Variants in GRXCR1 observed in about 807,000 individuals in gnomAD.
GRXCR1 encodes the protein glutaredoxin domain-containing cysteine-rich protein 1.
In GRXCR1, 27 loss-of-function variants were observed where a neutral mutation model predicts 27.3. The observed-to-expected ratio is 0.99, with a 90% CI of 0.73 to 1.37. The LOEUF (loss-of-function observed/expected upper bound fraction) is 1.37, where lower values mean the gene tolerates loss of function less well. GRXCR1 is among the 40% of genes most tolerant of loss of function. The probability of loss-of-function intolerance (pLI) is 0.00; values close to 1 mark genes in which losing one functional copy is unlikely to be tolerated. For missense variants in GRXCR1, 379 were observed against 354.4 expected, an observed-to-expected ratio of 1.07 and a Z score of -0.56; for synonymous variants, 122 against 131.1, an observed-to-expected ratio of 0.93 and a Z score of 0.47.
At chr4:42,962,725 G>T (rs1379139525) in intron 1 of GRXCR1, among the ~76,000 whole-genome samples, 167 bp from the exon 2 acceptor site, 2 of 152,016 alleles carry the variant, frequency 1.3e-5, no homozygotes, top group African/African-American at 4.8e-5. Context: ...ATTGCTATCT[G>T]TATCCCAATT....
chr4:42,902,685 G>T (rs145128951), intron 1 of GRXCR1, among the ~76,000 whole-genome samples: 1 of 152,156 alleles, frequency 6.6e-6, no homozygotes, highest in Admixed American at 6.5e-5. Flanking sequence ...GCATTTCAGG[G>T]GTGGAGTGGT....
At chr4:42,986,482 G>A (rs1291997546) in intron 2 of GRXCR1, among the ~76,000 whole-genome samples, 1 of 152,070 alleles carries the variant, frequency 6.6e-6, no homozygotes, top group Non-Finnish European at 1.5e-5. Context: ...GGCTGGATTA[G>A]GATTCGTGGT....
At chr4:42,955,514 A>T (rs13105520) in intron 1 of GRXCR1, among the ~76,000 whole-genome samples, 72,107 of 151,824 alleles carry the variant, frequency 0.47, 18,427 homozygotes, top group African/African-American at 0.67. Flanking sequence ...ATGGTGCACA[A>T]CTGAGTTCCA....
chr4:42,928,241 C>T (rs558185216), intron 1 of GRXCR1, among the ~76,000 whole-genome samples: 7 of 152,052 alleles, frequency 4.6e-5, no homozygotes, highest in African/African-American at 1.7e-4. Flanking sequence ...TAGTCCTGCA[C>T]ACGTTTCCAG....
At chr4:42,910,655 A>C (rs1746702760) in intron 1 of GRXCR1, among the ~76,000 whole-genome samples, 1 of 152,186 alleles carries the variant, frequency 6.6e-6, no homozygotes, top group African/African-American at 2.4e-5. Flanking sequence ...TGAGGCCTGG[A>C]GGGTGTGAGA....
At chr4:42,998,405 GTAA>G (rs1417228777) in intron 2 of GRXCR1, among the ~76,000 whole-genome samples, 1 of 152,160 alleles carries the variant, frequency 6.6e-6, no homozygotes. Flanking sequence ...CCATGCACAT[GTAA>G]TTAAGTAGAG....
At chr4:42,903,308 A>ATTTTT (rs35512711) in intron 1 of GRXCR1, among the ~76,000 whole-genome samples, 23 of 63,230 alleles carry the variant, frequency 3.6e-4, no homozygotes, top group Non-Finnish European at 5.9e-4. Flanking sequence ...AGCTTTGTAG[A>ATTTTT]TTTTTTTTTT....
In GRXCR1 at chr4:42,941,506, G is replaced by A. The variant is rs942674833; in HGVS notation, c.385-21386G>A. Among the ~76,000 whole-genome samples the A allele has an allele frequency of 2.2e-4, 34 of 151,826 alleles. 1 individual carries two copies. Among genetic ancestry groups the A allele is most frequent in the African/African-American group, 7.3e-4 (30 of 41,314 alleles). On this transcript the variant is annotated intron_variant, in intron 1 of 3. Coordinates refer to ENST00000399770, the MANE Select transcript of GRXCR1 (RefSeq NM_001080476.3). The stretch of plus-strand genomic sequence containing the variant: ...TGAATTACATAATTATTTGGCTTCC[G>A]ACATCTGCTTCCCACATTTGTTTTT...
At chr4:42,923,032 A>T (rs148538261) in intron 1 of GRXCR1, among the ~76,000 whole-genome samples, 8 of 152,058 alleles carry the variant, frequency 5.3e-5, no homozygotes, top group Non-Finnish European at 1.0e-4. Context: ...ATAAATGAAC[A>T]CTCAACCCCC....
chr4:43,011,339 G>T (rs138948948), intron 2 of GRXCR1, among the ~76,000 whole-genome samples: 1 of 152,126 alleles, frequency 6.6e-6, no homozygotes, highest in African/African-American at 2.4e-5. Context: ...AGTTGGATTT[G>T]GTCAGAGGGA....
At chr4:42,986,999 T>G (rs1189701134) in intron 2 of GRXCR1, among the ~76,000 whole-genome samples, 1 of 125,338 alleles carries the variant, frequency 8.0e-6, no homozygotes, top group Non-Finnish European at 1.6e-5. Context: ...AAGAGATATG[T>G]GTATGTGTGT....
intron 2 of GRXCR1, among the ~76,000 whole-genome samples, chr4:42,977,184 A>G (rs889858887): frequency 2.6e-5 from 4 of 151,992 alleles, no homozygotes; most frequent in African/African-American, 7.2e-5. Flanking sequence ...TCCATTGTGT[A>G]TATATATTTC....
chr4:43,016,729 A>C lies in GRXCR1; in HGVS notation c.628-3625A>C, dbSNP rs116030892. Among the ~76,000 whole-genome samples, 1,255 of 152,210 alleles carry C rather than the reference A, an allele frequency of 8.2e-3. 16 individuals are homozygous for C. The highest frequency in any genetic ancestry group is 0.029 in the African/African-American group (1,206 of 41,526). On this transcript the variant is annotated intron_variant, in intron 2 of 3. Transcript: ENST00000399770. ...GCCTAATCCCTAATGGAGACTCAAA[A>C]TAATGTTGAATGAATGGATAAATGC...
In GRXCR1 at chr4:42,984,530, C is replaced by T. The variant is rs556853576; in HGVS notation, c.627+21396C>T. On this transcript the variant is annotated intron_variant, in intron 2 of 3. Coordinates refer to ENST00000399770, the MANE Select transcript of GRXCR1 (RefSeq NM_001080476.3). ...TACCTATTCTAGTCTTCTAGACTGG[C>T]CTTGTCTGAATTAGCCCTTCAACAG... is the stretch of plus-strand genomic sequence containing the variant. Among the ~76,000 whole-genome samples the T allele has an allele frequency of 2.6e-5, 4 of 152,318 alleles. No homozygotes were observed. In the South Asian group the frequency reaches 8.3e-4, roughly 32 times the overall value.
At chr4:42,957,046 CA>C (rs1748020919) in intron 1 of GRXCR1, among the ~76,000 whole-genome samples, 1 of 151,992 alleles carries the variant, frequency 6.6e-6, no homozygotes, top group Non-Finnish European at 1.5e-5. Context: ...CAAGAAATAA[CA>C]TTTGAAGAGT....
At chr4:42,906,061 G>A (rs1364653575) in intron 1 of GRXCR1, among the ~76,000 whole-genome samples, 1 of 152,066 alleles carries the variant, frequency 6.6e-6, no homozygotes, top group East Asian at 1.9e-4. Context: ...TGTCCTTGAG[G>A]ATTTTAATCT....
intron 1 of GRXCR1, among the ~76,000 whole-genome samples, chr4:42,959,275 C>A (rs1748076796): frequency 6.6e-6 from 1 of 151,730 alleles, no homozygotes; most frequent in African/African-American, 2.4e-5. Flanking sequence ...TTTGTGATAA[C>A]ATAGATGAAC....
chr4:42,958,777 A>G lies in GRXCR1; in HGVS notation c.385-4115A>G, dbSNP rs148880746. ...GATGACCAGAATAGATATTTCTCCG[A>G]AGAAGACATACAAATAGCCAAGAGA... On this transcript the variant is annotated intron_variant, in intron 1 of 3. Coordinates refer to ENST00000399770, the MANE Select transcript of GRXCR1 (RefSeq NM_001080476.3). 4.5e-3 allele frequency among the ~76,000 whole-genome samples: 681 copies of G among 152,116 alleles called. 2 individuals carry two copies. Among genetic ancestry groups the G allele is most frequent in the African/African-American group, 0.015 (640 of 41,554 alleles).
intron 2 of GRXCR1, among the ~76,000 whole-genome samples, chr4:42,986,507 T>G (rs1353571387): frequency 1.3e-5 from 2 of 152,190 alleles, no homozygotes; most frequent in Non-Finnish European, 2.9e-5. Context: ...AATTAATCTC[T>G]GTGGTGCCCT....
Sources: allele counts gnomAD v4.1 joint callset (sites outside exome capture counted in the v4.1 genomes callset), GRCh38; gene constraint gnomAD v4.1.1; transcripts MANE v1.5; gene names NCBI Gene and HGNC (gene_info 2026-07-23, HGNC 2026-07-21).